Variants in ARHGAP8 observed in about 807,000 individuals in gnomAD.
The protein encoded by ARHGAP8 is rho GTPase-activating protein 8.
In ARHGAP8, 62 loss-of-function variants were observed where a neutral mutation model predicts 46.1. The observed-to-expected ratio is 1.34, with a 90% CI of 1.10 to 1.66. The LOEUF (loss-of-function observed/expected upper bound fraction) is 1.66. ARHGAP8 is among the 40% of genes most tolerant of loss of function. ARHGAP8 has a pLI of 0.00. For synonymous variants in ARHGAP8, 375 were observed against 243.1 expected (o/e 1.54, Z -5.05); for missense variants, 923 against 568.4 (o/e 1.62, Z -6.34).
chr22:44,826,334 G>T (rs1380043572), intron 7 of ARHGAP8, among the ~76,000 whole-genome samples: 2 of 152,186 alleles, frequency 1.3e-5, no homozygotes, highest in African/African-American at 4.8e-5. Flanking sequence ...TGTTACCGCA[G>T]CGTAACCTGT....
At chr22:44,852,339 T>C (rs2070117635) in intron 10 of ARHGAP8, among the ~76,000 whole-genome samples, 1 of 152,030 alleles carries the variant, frequency 6.6e-6, no homozygotes, top group African/African-American at 2.4e-5. Flanking sequence ...TCCGCCGTCT[T>C]TAGAGATAAG....
chr22:44,791,902 G>A (rs929151792), intron 2 of ARHGAP8, among the ~76,000 whole-genome samples: 1 of 152,158 alleles, frequency 6.6e-6, no homozygotes, highest in Non-Finnish European at 1.5e-5. Context: ...TACAGTCAAA[G>A]CACCAAAGCA....
intron 10 of ARHGAP8, among the ~76,000 whole-genome samples, chr22:44,851,142 G>A (rs911752631): frequency 2.0e-5 from 3 of 152,096 alleles, no homozygotes; most frequent in Non-Finnish European, 4.4e-5. Flanking sequence ...GCTCTGGCTT[G>A]CACCACTGCC....
Position 44,842,369 on chromosome 22 carries a change from C to CAA in ARHGAP8, c.597-2898_597-2897dup, listed in dbSNP as rs1298273930. Among the ~76,000 whole-genome samples, 14 of 152,168 alleles carry CAA rather than the reference C, an allele frequency of 9.2e-5. No individual in the cohort carries two copies. In the South Asian group the frequency reaches 2.9e-3, roughly 32 times the overall value. ...GAGACTCCATCTCAAAACAAACAAA[C>CAA]AAACAAACAAAAACAGCACAGGTCT... On this transcript the variant is annotated intron_variant, in intron 7 of 11. Transcript: ENST00000356099.
chr22:44,862,534 C>T lies in ARHGAP8; in HGVS notation c.1241C>T (p.Thr414Met), dbSNP rs148880070. 164 of 1,609,052 alleles carry T rather than the reference C, an allele frequency of 1.0e-4. No individual in the cohort carries two copies. The African/African-American group carries it at 1.1e-3, about 11-fold the overall frequency. Residue 414 changes from threonine (T) to methionine (M), a missense_variant, in exon 12 of 12, where the codon ACG becomes ATG. Coordinates refer to ENST00000356099, the MANE Select transcript of ARHGAP8 (RefSeq NM_181335.3). ...LQEAVPRTQA[T>M]GLTKPTLPPS... is the part of the protein sequence containing the mutation. ...GAGGCTGTGCCACGGACACAAGCCACGGGCCTCACCAAGCCTACCCTACCT... is the reference window on the plus strand; with the variant it reads ...GAGGCTGTGCCACGGACACAAGCCATGGGCCTCACCAAGCCTACCCTACCT...
At chr22:44,754,664 C>T (rs371504320) in intron 1 of ARHGAP8, among the ~76,000 whole-genome samples, 40 of 152,180 alleles carry the variant, frequency 2.6e-4, no homozygotes, top group African/African-American at 9.2e-4. Flanking sequence ...CACACCCGGC[C>T]GAGTCATTGA....
intron 2 of ARHGAP8, among the ~76,000 whole-genome samples, chr22:44,791,444 C>T (rs558258936): frequency 1.3e-5 from 2 of 152,156 alleles, no homozygotes; most frequent in African/African-American, 2.4e-5. Context: ...TGGCTCGTGC[C>T]TGTAATCCCA....
At chr22:44,784,079 C>T (rs1378889546) in intron 1 of ARHGAP8, among the ~76,000 whole-genome samples, 1 of 152,028 alleles carries the variant, frequency 6.6e-6, no homozygotes, top group Non-Finnish European at 1.5e-5. Context: ...AATCTTAATA[C>T]CACAATAAAA....
At chr22:44,819,258 G>T (rs890326213) in intron 5 of ARHGAP8, among the ~76,000 whole-genome samples, 1 of 152,116 alleles carries the variant, frequency 6.6e-6, no homozygotes. Flanking sequence ...GTAGAGACAG[G>T]GTTTTGCCAT....
intron 3 of ARHGAP8, among the ~76,000 whole-genome samples, chr22:44,806,442 C>G (rs1461517133): frequency 2.0e-5 from 3 of 152,212 alleles, no homozygotes; most frequent in South Asian, 2.1e-4. Flanking sequence ...CCACAGTTCT[C>G]AGAGACGCTG....
chr22:44,858,150 T>G (rs1309390330), intron 10 of ARHGAP8, among the ~76,000 whole-genome samples: 1 of 152,172 alleles, frequency 6.6e-6, no homozygotes, highest in Admixed American at 6.5e-5. Context: ...ACAGGAATGA[T>G]CATAGTGGGG....
chr22:44,810,021 G>A (rs1190868802), intron 4 of ARHGAP8, among the ~76,000 whole-genome samples: 1 of 152,128 alleles, frequency 6.6e-6, no homozygotes, highest in Non-Finnish European at 1.5e-5. Context: ...GCTGGAGATG[G>A]CCTAGCCCCA....
intron 6 of ARHGAP8, among the ~76,000 whole-genome samples, chr22:44,825,114 G>A (rs6007308): frequency 0.24 from 36,084 of 151,336 alleles, 4,813 homozygotes; most frequent in African/African-American, 0.35. Context: ...AAGGGACGAG[G>A]TTCCTTTAGC....
intron 10 of ARHGAP8, among the ~76,000 whole-genome samples, chr22:44,852,050 G>T (rs1212335860): frequency 6.6e-6 from 1 of 151,828 alleles, no homozygotes; most frequent in African/African-American, 2.4e-5. Context: ...AATTAGCTGG[G>T]CGTGGTGGTG....
intron 6 of ARHGAP8, among the ~76,000 whole-genome samples, chr22:44,824,701 C>T (rs998696207): frequency 2.0e-5 from 3 of 149,480 alleles, no homozygotes; most frequent in East Asian, 2.0e-4. Flanking sequence ...GGCGCAATCT[C>T]GGCTCTCTGC....
intron 5 of ARHGAP8, among the ~76,000 whole-genome samples, chr22:44,821,860 G>T (rs1270718427): frequency 6.6e-6 from 1 of 152,160 alleles, no homozygotes; most frequent in East Asian, 1.9e-4. Flanking sequence ...GCTCCCTGGG[G>T]TCCGAGAGAC....
chr22:44,859,087 C>A (rs1156538389), intron 10 of ARHGAP8, among the ~76,000 whole-genome samples: 1 of 151,834 alleles, frequency 6.6e-6, no homozygotes, highest in African/African-American at 2.4e-5. Context: ...TGGTCTAGAC[C>A]ACTCCCATTT....
chr22:44,808,624 G>A (rs1332315542), intron 4 of ARHGAP8, 186 bp downstream of exon 4: 1 of 1,123,324 alleles, frequency 8.9e-7, no homozygotes, highest in Non-Finnish European at 1.3e-6. Context: ...GGAATCCCGG[G>A]CAGGGGTTGG....
chr22:44,858,079 CCATT>C (rs1355543243), intron 10 of ARHGAP8, among the ~76,000 whole-genome samples: 5 of 152,216 alleles, frequency 3.3e-5, no homozygotes, highest in African/African-American at 1.2e-4. Flanking sequence ...AATTCCTTGT[CCATT>C]CAAATGACTG....
Sources: allele counts gnomAD v4.1 joint callset (sites outside exome capture counted in the v4.1 genomes callset), GRCh38; gene constraint gnomAD v4.1.1; transcripts MANE v1.5; gene names NCBI Gene and HGNC (gene_info 2026-07-23, HGNC 2026-07-21).